The following GRM8 variants were observed in gnomAD, a reference collection of about 807,000 sequenced individuals.
GRM8 encodes the protein metabotropic glutamate receptor 8.
GRM8 carries 47 observed loss-of-function variants against 87.2 expected under a neutral mutation model. That is an observed-to-expected ratio of 0.54 (90% confidence interval 0.43 to 0.69). The LOEUF is 0.69. Ranked by LOEUF, GRM8 falls within the 30% of genes least tolerant of loss-of-function variation. The pLI is 0.00. For missense variants in GRM8, 1,019 were observed against 1,139.2 expected (o/e 0.89, Z 1.52); for synonymous variants, 396 against 404.5 (o/e 0.98, Z 0.25).
At chr7:126,815,003 G>C (rs1793652770) in intron 6 of GRM8, among the ~76,000 whole-genome samples, 1 of 152,032 alleles carries the variant, frequency 6.6e-6, no homozygotes, top group Admixed American at 6.6e-5. Context: ...CTTACTGCCT[G>C]TTTATCAGAC....
At chr7:126,530,545 C>G (rs1386848963) in intron 9 of GRM8, among the ~76,000 whole-genome samples, 1 of 152,168 alleles carries the variant, frequency 6.6e-6, no homozygotes, top group African/African-American at 2.4e-5. Flanking sequence ...ATAATTAGTT[C>G]AATGCCGGAC....
At chr7:127,054,899 TA>T (rs34037665) in intron 3 of GRM8, among the ~76,000 whole-genome samples, 38,721 of 146,604 alleles carry the variant, frequency 0.26, 5,822 homozygotes, top group Non-Finnish European at 0.36. Flanking sequence ...TGCAGAATGC[TA>T]AAAAAAAAAA....
At chr7:127,052,204 C>T (rs1312756121) in intron 3 of GRM8, among the ~76,000 whole-genome samples, 1 of 152,082 alleles carries the variant, frequency 6.6e-6, no homozygotes, top group Non-Finnish European at 1.5e-5. Context: ...TCTCTCTGGG[C>T]CTTCATTTCC....
At chr7:127,079,075 G>C (rs1428466314) in intron 3 of GRM8, among the ~76,000 whole-genome samples, 1 of 151,940 alleles carries the variant, frequency 6.6e-6, no homozygotes, top group Non-Finnish European at 1.5e-5. Context: ...GAAGTATTAG[G>C]CAATGACATT....
At chr7:126,853,899 G>T (rs1302983749) in intron 6 of GRM8, among the ~76,000 whole-genome samples, 1 of 152,156 alleles carries the variant, frequency 6.6e-6, no homozygotes, top group Non-Finnish European at 1.5e-5. Context: ...AAAAAGGAAT[G>T]GATCCTTATT....
intron 3 of GRM8, among the ~76,000 whole-genome samples, chr7:127,102,514 A>G (rs895352730): frequency 6.6e-6 from 1 of 152,120 alleles, no homozygotes; most frequent in Non-Finnish European, 1.5e-5. Flanking sequence ...GGACACTGTT[A>G]CCCACATCCC....
intron 3 of GRM8, among the ~76,000 whole-genome samples, chr7:127,054,901 A>G (rs1262904527): frequency 1.2e-5 from 1 of 83,480 alleles, no homozygotes; most frequent in Non-Finnish European, 3.7e-5. Context: ...CAGAATGCTA[A>G]AAAAAAAAAA....
intron 3 of GRM8, among the ~76,000 whole-genome samples, chr7:126,974,886 A>G (rs1810800826): frequency 7.1e-6 from 1 of 140,386 alleles, no homozygotes; most frequent in Non-Finnish European, 1.5e-5. Context: ...CAGTGAGCCA[A>G]AATCGCGCCA....
chr7:127,209,636 G>A (rs908272537), intron 2 of GRM8, among the ~76,000 whole-genome samples: 3 of 152,082 alleles, frequency 2.0e-5, no homozygotes, highest in Non-Finnish European at 4.4e-5. Flanking sequence ...GGGTCCTTTG[G>A]GGATTGTAAT....
chr7:127,112,826 T>A (rs1402185067), intron 2 of GRM8, among the ~76,000 whole-genome samples: 3 of 152,238 alleles, frequency 2.0e-5, no homozygotes, highest in Non-Finnish European at 4.4e-5. Flanking sequence ...GAAAACTTCA[T>A]AACTACCTTG....
At chr7:127,127,822 T>C (rs1465389262) in intron 2 of GRM8, among the ~76,000 whole-genome samples, 1 of 152,076 alleles carries the variant, frequency 6.6e-6, no homozygotes, top group African/African-American at 2.4e-5. Context: ...CAATGCCTGG[T>C]CTCTCCTTCC....
chr7:127,017,257 A>G (rs146782936), intron 3 of GRM8, among the ~76,000 whole-genome samples: 17 of 152,166 alleles, frequency 1.1e-4, no homozygotes, highest in African/African-American at 3.8e-4. Context: ...TTTTACTACA[A>G]AGTAATCCCA....
chr7:126,479,295 G>T (rs1806373851), intron 9 of GRM8, among the ~76,000 whole-genome samples: 1 of 152,036 alleles, frequency 6.6e-6, no homozygotes, highest in Non-Finnish European at 1.5e-5. Context: ...GAAGTTTTTA[G>T]TATATTCACA....
intron 3 of GRM8, among the ~76,000 whole-genome samples, chr7:127,096,776 C>T (rs1289707332): frequency 6.6e-6 from 1 of 152,152 alleles, no homozygotes; most frequent in African/African-American, 2.4e-5. Flanking sequence ...CTTAACCACT[C>T]CCCAGTGCTG....
chr7:126,808,669 TA>T (rs1793002394), intron 6 of GRM8, among the ~76,000 whole-genome samples: 1 of 152,180 alleles, frequency 6.6e-6, no homozygotes, highest in Admixed American at 6.5e-5. Context: ...GGCTCTTGAG[TA>T]AAAAACATTC....
chr7:127,187,124 C>T (rs575644549), intron 2 of GRM8, among the ~76,000 whole-genome samples: 3 of 152,178 alleles, frequency 2.0e-5, no homozygotes, highest in African/African-American at 7.2e-5. Context: ...AGATACACAT[C>T]TGTAGATCTC....
At position 127,118,270 on chromosome 7, in the gene GRM8, A is replaced by C. The variant is rs17865140; in HGVS notation, c.511-11558T>G. 1.1e-3 allele frequency: 165 copies of C among 152,346 alleles called. 1 individual carries two copies. Among genetic ancestry groups the C allele is most frequent in the African/African-American group, 3.8e-3 (160 of 41,582 alleles). The allele number at this position is 152,346 out of a possible 1,614,324, so 9.4% of individuals were successfully genotyped here. ...AAAGACCAAAAAGCTGATTTCATAA[A>C]TGGACATCATTGGTAACAGGAAAAG... On this transcript the variant is annotated intron_variant, in intron 2 of 10. Transcript: ENST00000339582.
intron 6 of GRM8, among the ~76,000 whole-genome samples, chr7:126,793,483 C>T (rs17627206): frequency 0.37 from 56,412 of 152,028 alleles, 11,762 homozygotes; most frequent in Non-Finnish European, 0.47. Context: ...CACACAACTC[C>T]TGAGAGGACC....
chr7:127,141,201 C>G (rs1439385402), intron 2 of GRM8, among the ~76,000 whole-genome samples: 2 of 152,012 alleles, frequency 1.3e-5, no homozygotes, highest in African/African-American at 2.4e-5. Flanking sequence ...TCATCCTTAG[C>G]CTGCTGGTCT....
Sources: gnomAD v4.1 joint callset for allele counts (sites outside exome capture counted in the v4.1 genomes callset) on GRCh38, gnomAD v4.1.1 for gene constraint, MANE v1.5 for transcripts, NCBI Gene and HGNC (gene_info 2026-07-23, HGNC 2026-07-21) for gene names.